The following GSPT1 variants were observed in gnomAD, a reference collection of about 807,000 sequenced individuals.
GSPT1 encodes G1 to S phase transition 1.
GSPT1 carries 20 observed loss-of-function variants against 72.5 expected under a neutral mutation model. The ratio of observed to expected loss-of-function variants is 0.28; its 90% CI spans 0.19 to 0.40. The LOEUF is 0.40. GSPT1 is among the 10% of genes least tolerant of loss of function. The pLI is 1.00. For missense variants in GSPT1, 580 were observed against 811.9 expected (o/e 0.71, Z 3.47); for synonymous variants, 334 against 293.5 (o/e 1.14, Z -1.41).
chr16:11,880,123 T>A (rs902878591), intron 11 of GSPT1: 10 of 152,816 alleles, frequency 6.5e-5, no homozygotes, highest in African/African-American at 2.4e-4. Context: ...TTATTTCACA[T>A]AGCATAATGT....
intron 6 of GSPT1, among the ~76,000 whole-genome samples, chr16:11,889,736 C>T (rs2054233350): frequency 6.6e-6 from 1 of 151,734 alleles, no homozygotes; most frequent in Non-Finnish European, 1.5e-5. Flanking sequence ...GAACTCCTGA[C>T]CTCAGGTGAT....
Position 11,915,636 on chromosome 16 carries a change from C to A in GSPT1, c.85G>T (p.Asp29Tyr). The change falls in exon 1 of 15, where the codon GAC becomes TAC. Residue 29 changes from aspartate to tyrosine, a missense_variant. Physicochemically the swap from Asp to Tyr is radical, Grantham distance 160. Coordinates refer to ENST00000434724, the MANE Select transcript of GSPT1 (RefSeq NM_002094.4). ...SGSSSSDSAP[D>Y]CWDQADMEAP... The stretch of plus-strand genomic sequence containing the variant: ...TCCATGTCCGCCTGGTCCCAGCAGT[C>A]AGGCGCCGAGTCGCTGCTGCTGCTG... 2 of 1,488,066 alleles carry A rather than the reference C, an allele frequency of 1.3e-6. No homozygotes were observed. The highest frequency in any genetic ancestry group is 1.8e-6 in the Non-Finnish European group (2 of 1,122,866). 92.2% of individuals were successfully genotyped at this position (1,488,066 alleles called of 1,614,324 possible). A position where few individuals can be genotyped will look rare whatever the true frequency, so the allele number is the denominator to read the frequency against.
rs1219091603 is a variant in GSPT1 at position 11,877,666 on chromosome 16, TAA to T, written c.1429-88_1429-87del. ...ATGATCTGAATGTCTGTCTGCTCAATAAAGAGTTGCAAGATTTGACTGTAAAC... is the reference window on the plus strand; with the variant it reads ...ATGATCTGAATGTCTGTCTGCTCAATAGAGTTGCAAGATTTGACTGTAAAC... On this transcript the variant is annotated intron_variant, in intron 11 of 14. Transcript: ENST00000434724. This position sits in a 1 kb window ranked among gnomAD's most constrained non-coding sequence, Gnocchi z 4.0. 1.8e-5 allele frequency: 14 copies of T among 781,718 alleles called. No individual in the cohort carries two copies. The highest frequency in any genetic ancestry group is 2.7e-5 in the Non-Finnish European group (14 of 513,244). The allele number at this position is 781,718 out of a possible 1,614,324, so 48.4% of individuals were successfully genotyped here. A position where few individuals can be genotyped will look rare whatever the true frequency, so the allele number is the denominator to read the frequency against.
chr16:11,897,839 C>T lies in GSPT1; in HGVS notation c.436+1G>A. On this transcript the variant is annotated splice_donor_variant, in intron 3 of 14. Transcript: ENST00000434724. LOFTEE classifies it high-confidence loss of function. ...ATTAATATGGTCAGAAATTTTCTTA[C>T]CAATAGGTTCTGAAAGTTCCATGCT... The T allele has an allele frequency of 6.7e-7, 1 of 1,492,360 alleles. No individual in the cohort carries two copies. Among genetic ancestry groups the T allele is most frequent in the Non-Finnish European group, 9.2e-7 (1 of 1,087,530 alleles). The allele number at this position is 1,492,360 out of a possible 1,614,324, so 92.4% of individuals were successfully genotyped here.
In GSPT1 at chr16:11,895,085, T is replaced by C. The variant is rs1596468140; in HGVS notation, c.665-98A>G. 8.0e-6 allele frequency: 6 copies of C among 746,720 alleles called. No individual in the cohort carries two copies. In the East Asian group the frequency reaches 1.6e-4, roughly 20 times the overall value. 46.3% of individuals were successfully genotyped at this position (746,720 alleles called of 1,614,324 possible). ...CCCTTTAACATACATAATTAAATCT[T>C]CCATATGAATTTGGGGCATAAATCC... is the stretch of plus-strand genomic sequence containing the variant. On this transcript the variant is annotated intron_variant, in intron 4 of 14. Coordinates refer to ENST00000434724, the MANE Select transcript of GSPT1 (RefSeq NM_002094.4).
chr16:11,888,588 C>A (rs957513135), intron 6 of GSPT1, among the ~76,000 whole-genome samples: 23 of 151,902 alleles, frequency 1.5e-4, no homozygotes, highest in African/African-American at 5.6e-4. Flanking sequence ...ATGGTGAGAC[C>A]CCATCTCTAC....
intron 1 of GSPT1, among the ~76,000 whole-genome samples, chr16:11,906,888 T>G (rs1011503158): frequency 6.6e-6 from 1 of 152,146 alleles, no homozygotes; most frequent in Non-Finnish European, 1.5e-5. Flanking sequence ...ATCCCATCTC[T>G]GAACAAAAAT....
rs759311805 is a variant in GSPT1 at position 11,915,895 on chromosome 16, C to A, written c.-175G>T. 3.8e-5 allele frequency: 35 copies of A among 920,202 alleles called. No homozygotes were observed. The highest frequency in any genetic ancestry group is 6.2e-5 in the Non-Finnish European group (35 of 567,292). 57.0% of individuals were successfully genotyped at this position (920,202 alleles called of 1,614,324 possible). On this transcript the variant is annotated 5_prime_UTR_variant, in exon 1 of 15. Coordinates refer to ENST00000434724, the MANE Select transcript of GSPT1 (RefSeq NM_002094.4). Reference sequence around the variant, plus strand: ...CAGCAGCTCCAGTCCCGACTCCACACTCGCGACGACGACAGAGGCGGCGGC... The same window carrying A: ...CAGCAGCTCCAGTCCCGACTCCACAATCGCGACGACGACAGAGGCGGCGGC...
In GSPT1 at chr16:11,915,461, G is replaced by T. The variant is rs1204164782; in HGVS notation, c.260C>A (p.Pro87Gln). The T allele has an allele frequency of 5.8e-6, 9 of 1,547,444 alleles. No homozygotes were observed. Among genetic ancestry groups the T allele is most frequent in the South Asian group, 3.6e-5 (3 of 84,474 alleles). Reference protein sequence around the residue: ...VPNVHAAEFVPSFLRGPAAPP... With the variant: ...VPNVHAAEFVQSFLRGPAAPP... ...CGCTGCCGGGCCCCGCAGGAAGGAC[G>T]GCACGAACTCGGCGGCGTGGACGTT... Residue 87 changes from proline (P) to glutamine (Q), a missense_variant, in exon 1 of 15, where the codon CCG becomes CAG. Coordinates refer to ENST00000434724, the MANE Select transcript of GSPT1 (RefSeq NM_002094.4).
upstream of GSPT1, chr16:11,916,021 A>T (rs1331556215): frequency 1.5e-6 from 1 of 652,152 alleles, no homozygotes; most frequent in Non-Finnish European, 2.9e-6. Context: ...GCGCGGATTG[A>T]CCCCTCGCCG....
chr16:11,884,937 G>A (rs1300415354), intron 10 of GSPT1, among the ~76,000 whole-genome samples: 5 of 147,016 alleles, frequency 3.4e-5, no homozygotes, highest in Non-Finnish European at 7.5e-5. Context: ...GCGTGGTGGC[G>A]GGAGCCTGTA....
At chr16:11,883,451 T>TAA (rs2054146324) in intron 10 of GSPT1, among the ~76,000 whole-genome samples, 1 of 654 alleles carries the variant, frequency 1.5e-3, no homozygotes. Context: ...CCATCTCTAC[T>TAA]AAAAATACAA....
chr16:11,892,512 A>AAAAT (rs1340674034), intron 5 of GSPT1, among the ~76,000 whole-genome samples: 2 of 131,762 alleles, frequency 1.5e-5, no homozygotes, highest in African/African-American at 6.1e-5. Flanking sequence ...TTCTCAAAAA[A>AAAAT]ACAAAAAAAA....
intron 1 of GSPT1, among the ~76,000 whole-genome samples, chr16:11,899,330 C>CTT (rs36028471): frequency 4.1e-5 from 6 of 146,876 alleles, no homozygotes; most frequent in South Asian, 2.2e-4. Context: ...AAATTGTTTT[C>CTT]TTTTTTTTTT....
chr16:11,898,676 A>G (rs1382485002), intron 1 of GSPT1, among the ~76,000 whole-genome samples: 1 of 151,926 alleles, frequency 6.6e-6, no homozygotes, highest in African/African-American at 2.4e-5. Context: ...GTTTTGAACT[A>G]CGACCTCAGG....
At chr16:11,892,013 A>C (rs2054268034) in intron 5 of GSPT1, among the ~76,000 whole-genome samples, 1 of 152,048 alleles carries the variant, frequency 6.6e-6, no homozygotes, top group Admixed American at 6.6e-5. Context: ...AATTATGGAA[A>C]GTGTAAGTGG....
At chr16:11,912,099 T>C (rs1361237847) in intron 1 of GSPT1, among the ~76,000 whole-genome samples, 1 of 147,210 alleles carries the variant, frequency 6.8e-6, no homozygotes, top group African/African-American at 2.5e-5. Context: ...TCCCGGCACT[T>C]TGGGAGGCCA....
chr16:11,897,937 C>T (rs1469926816), intron 2 of GSPT1, 56 bp from the exon 3 acceptor site: 1 of 1,429,836 alleles, frequency 7.0e-7, no homozygotes, highest in Non-Finnish European at 9.7e-7. Context: ...TAGCTTTACA[C>T]ACCATATAGA....
chr16:11,915,673 C>CCGCTGCTGCTCCCGCCGCCGCCGCCG lies in GSPT1; in HGVS notation c.47_48insCGGCGGCGGCGGCGGGAGCAGCAGCG (p.Ser17GlyfsTer139). On this transcript the variant is annotated frameshift_variant, in exon 1 of 15. Transcript: ENST00000434724. LOFTEE classifies it high-confidence loss of function. ...CGCTGCTGCTGCTGCCGCTGCTGCT[C>CCGCTGCTGCTCCCGCCGCCGCCGCCG]CCGCCGCCGCCGCCGCCGCCGCCGC... 1 of 1,317,492 alleles carries CCGCTGCTGCTCCCGCCGCCGCCGCCG rather than the reference C, an allele frequency of 7.6e-7. No homozygotes were observed. The highest frequency in any genetic ancestry group is 1.6e-5 in the African/African-American group (1 of 63,164). 81.6% of individuals were successfully genotyped at this position (1,317,492 alleles called of 1,614,324 possible).
Sources: allele counts gnomAD v4.1 joint callset (sites outside exome capture counted in the v4.1 genomes callset), GRCh38; gene constraint gnomAD v4.1.1; non-coding constraint Gnocchi (gnomAD v3.1); transcripts MANE v1.5; gene names NCBI Gene and HGNC (gene_info 2026-07-23, HGNC 2026-07-21).